Variants in ARHGAP23 observed in about 807,000 individuals in gnomAD.
ARHGAP23 encodes Rho GTPase activating protein 23.
A neutral mutation model predicts 136.3 loss-of-function variants in ARHGAP23; 34 were observed. The observed-to-expected ratio is 0.25, with a 90% CI of 0.19 to 0.33. ARHGAP23 has a LOEUF of 0.33. Among genes scored for constraint, ARHGAP23 ranks in the 10% least tolerant of loss-of-function variants. The pLI, the probability that ARHGAP23 is intolerant of heterozygous loss-of-function variation, is 1.00. For synonymous variants in ARHGAP23, 832 were observed against 920.5 expected (o/e 0.90, Z 1.74); for missense variants, 1,808 against 2,139.0 (o/e 0.85, Z 3.05).
Position 38,469,867 on chromosome 17 carries a change from C to T in ARHGAP23, c.1937C>T (p.Pro646Leu). The change falls in exon 10 of 24, where the codon CCC becomes CTC. Residue 646 changes from proline to leucine, a missense_variant. Pro to Leu is a moderately conservative substitution (Grantham distance 98). Transcript: ENST00000622683. Reference protein sequence around the residue: ...RVLRRLPNRIPSLRMLRSFFT... With the variant: ...RVLRRLPNRILSLRMLRSFFT... Reference sequence around the variant, plus strand: ...TCCAGGCGCCTGCCAAACCGCATACCCAGCCTGCGGATGCTCCGGAGCTTC... The same window carrying T: ...TCCAGGCGCCTGCCAAACCGCATACTCAGCCTGCGGATGCTCCGGAGCTTC... 1.3e-6 allele frequency: 2 copies of T among 1,551,714 alleles called. No individual in the cohort carries two copies.
At chr17:38,465,012 G>T (rs1007608514) in intron 6 of ARHGAP23, among the ~76,000 whole-genome samples, 4 of 152,056 alleles carry the variant, frequency 2.6e-5, no homozygotes, top group Non-Finnish European at 5.9e-5. Context: ...GGGGGTGAGG[G>T]GGAGCCGCAG....
chr17:38,448,706 C>T (rs770317907), intron 1 of ARHGAP23, among the ~76,000 whole-genome samples: 17 of 139,376 alleles, frequency 1.2e-4, no homozygotes, highest in South Asian at 2.3e-4. Flanking sequence ...AGTGCAGTGG[C>T]GCGAACACAG....
rs1390349696 is a variant in ARHGAP23, at chr17:38,469,564, C to T, written c.1845C>T (p.Ala615=). ...KAGRRSSYLL[A]ITTERSKSCD... ...GCCGCCGCTCCTCCTACCTGCTGGC[C>T]ATCACCACGGAGCGCTCCAAGTCCT... Residue 615 remains alanine, a synonymous_variant, in exon 9 of 24, where the codon GCC becomes GCT. Coordinates refer to ENST00000622683, the MANE Select transcript of ARHGAP23 (RefSeq NM_001199417.2). The T allele has an allele frequency of 1.9e-6, 3 of 1,548,578 alleles. No homozygotes were observed. Among genetic ancestry groups the T allele is most frequent in the Admixed American group, 3.9e-5 (2 of 50,974 alleles).
rs1197218972 is a variant in ARHGAP23 at position 38,511,908 on chromosome 17, T to A, written c.*936T>A. 1 of 152,206 alleles carries A rather than the reference T, an allele frequency of 6.6e-6. No individual in the cohort carries two copies. Among genetic ancestry groups the A allele is most frequent in the Non-Finnish European group, 1.5e-5 (1 of 68,106 alleles). 9.4% of individuals were successfully genotyped at this position (152,206 alleles called of 1,614,324 possible). Reference sequence around the variant, plus strand: ...TGCTGTCTCTCTGTCACTCACACACTGATTTATGGGGTCTGAGCTGGGCTG... The same window carrying A: ...TGCTGTCTCTCTGTCACTCACACACAGATTTATGGGGTCTGAGCTGGGCTG... On this transcript the variant is annotated 3_prime_UTR_variant, in exon 24 of 24. Coordinates refer to ENST00000622683, the MANE Select transcript of ARHGAP23 (RefSeq NM_001199417.2).
At chr17:38,446,402 C>T (rs954096406) in intron 1 of ARHGAP23, among the ~76,000 whole-genome samples, 4 of 151,972 alleles carry the variant, frequency 2.6e-5, no homozygotes, top group Non-Finnish European at 4.4e-5. Flanking sequence ...TACAATAATA[C>T]AGACAATTTC....
At chr17:38,486,938 CG>C (rs2040173744) in intron 17 of ARHGAP23, among the ~76,000 whole-genome samples, 1 of 152,168 alleles carries the variant, frequency 6.6e-6, no homozygotes, top group Non-Finnish European at 1.5e-5. Context: ...CACGTGCCTG[CG>C]TGGGGTTTGG....
At position 38,490,444 on chromosome 17, in the gene ARHGAP23, C is replaced by T; in HGVS notation, c.3061-18C>T. 6.5e-7 allele frequency: 1 copy of T among 1,528,268 alleles called. No homozygotes were observed. The highest frequency in any genetic ancestry group is 8.9e-7 in the Non-Finnish European group (1 of 1,127,464). 94.7% of individuals were successfully genotyped at this position (1,528,268 alleles called of 1,614,324 possible). On this transcript the variant is annotated intron_variant, in intron 18 of 23. Coordinates refer to ENST00000622683, the MANE Select transcript of ARHGAP23 (RefSeq NM_001199417.2). ...GCCCTTACAGCCTGTCCCCATGCCC[C>T]TCCTCTCTCCTGCTCAGATCCGGGA...
intron 16 of ARHGAP23, among the ~76,000 whole-genome samples, chr17:38,484,307 C>T (rs541753785): frequency 1.3e-5 from 2 of 152,040 alleles, no homozygotes; most frequent in East Asian, 3.9e-4. Flanking sequence ...TGGCAGAAAC[C>T]AGGGAGTGGG....
chr17:38,467,249 C>T lies in ARHGAP23; in HGVS notation c.1566C>T (p.Ala522=), dbSNP rs150479292. ...GTGACGAGTCCCCAGAGCCAGAGGC[C>T]AGTGGGCGAGGGGAACGCCTGGGCA... ...GFGDESPEPE[A]SGRGERLGRK... Residue 522 remains alanine (A), a synonymous_variant, in exon 7 of 24, where the codon GCC becomes GCT. Coordinates refer to ENST00000622683, the MANE Select transcript of ARHGAP23 (RefSeq NM_001199417.2). 1.3e-4 allele frequency: 197 copies of T among 1,550,378 alleles called. No homozygotes were observed. The African/African-American group carries it at 2.4e-3, about 19-fold the overall frequency.
At chr17:38,478,743 G>A (rs571541065) in intron 12 of ARHGAP23, among the ~76,000 whole-genome samples, 6 of 152,180 alleles carry the variant, frequency 3.9e-5, no homozygotes, top group Non-Finnish European at 8.8e-5. Flanking sequence ...ATTGTGGTCA[G>A]CCATAGCTAC....
chr17:38,433,665 T>G (rs2038731557), intron 1 of ARHGAP23, among the ~76,000 whole-genome samples: 1 of 152,092 alleles, frequency 6.6e-6, no homozygotes, highest in Non-Finnish European at 1.5e-5. Context: ...CTGTGGGGCA[T>G]TGAGGAGAGC....
rs1443489247 is a variant in ARHGAP23 at position 38,466,764 on chromosome 17, T to C, written c.1081T>C (p.Ser361Pro). 1.9e-6 allele frequency: 3 copies of C among 1,548,872 alleles called. No individual in the cohort carries two copies. ...SDDYLSRATR[S>P]AEALGPGALV... ...TGACTACTTGAGCCGGGCCACCCGT[T>C]CTGCCGAGGCACTGGGGCCAGGGGC... The change falls in exon 7 of 24, where the codon TCT becomes CCT. Residue 361 changes from serine (S) to proline (P), a missense_variant. Ser to Pro is a moderately conservative substitution (Grantham distance 74, BLOSUM62 -1). Around this residue, in one of 7 missense-constraint regions of ARHGAP23, gnomAD observed 859 missense variants for 936.4 expected, o/e 0.92. Coordinates refer to ENST00000622683, the MANE Select transcript of ARHGAP23 (RefSeq NM_001199417.2).
chr17:38,449,382 C>T (rs571476315), intron 1 of ARHGAP23, among the ~76,000 whole-genome samples: 1 of 152,202 alleles, frequency 6.6e-6, no homozygotes, highest in East Asian at 1.9e-4. Context: ...CCCAGGTTCC[C>T]GGTGATGGGG....
At chr17:38,499,458 A>T (rs2144788131) in intron 22 of ARHGAP23, among the ~76,000 whole-genome samples, 1 of 152,270 alleles carries the variant, frequency 6.6e-6, no homozygotes, top group South Asian at 2.1e-4. Context: ...ACATGCTCAG[A>T]GACAGATGAG....
Position 38,512,340 on chromosome 17 carries a change from T to C in ARHGAP23, c.*1368T>C, listed in dbSNP as rs1213741577. On this transcript the variant is annotated 3_prime_UTR_variant, in exon 24 of 24. Coordinates refer to ENST00000622683, the MANE Select transcript of ARHGAP23 (RefSeq NM_001199417.2). ...AATTTCCTGCTTCTGAAAAGTCCTG[T>C]CTTAAAAGTACAGTCTATATCTTGG... 1 of 152,244 alleles carries C rather than the reference T, an allele frequency of 6.6e-6. No homozygotes were observed. Among genetic ancestry groups the C allele is most frequent in the African/African-American group, 2.4e-5 (1 of 41,458 alleles). 9.4% of individuals were successfully genotyped at this position (152,244 alleles called of 1,614,324 possible).
At chr17:38,449,893 C>T (rs1446202587) in intron 1 of ARHGAP23, among the ~76,000 whole-genome samples, 1 of 152,178 alleles carries the variant, frequency 6.6e-6, no homozygotes, top group Non-Finnish European at 1.5e-5. Flanking sequence ...CTCTCACTTC[C>T]TTAACCACAC....
intron 1 of ARHGAP23, among the ~76,000 whole-genome samples, chr17:38,445,348 G>T (rs1283382314): frequency 6.8e-6 from 1 of 147,564 alleles, no homozygotes; most frequent in African/African-American, 2.5e-5. Context: ...ATGGTGGCTC[G>T]CATCTGTAGT....
intron 7 of ARHGAP23, among the ~76,000 whole-genome samples, chr17:38,468,864 G>T (rs1190020124): frequency 1.3e-5 from 2 of 152,140 alleles, no homozygotes; most frequent in East Asian, 1.9e-4. Flanking sequence ...CACCGTCCCT[G>T]CCCTCAGCAG....
chr17:38,456,094 G>C (rs892047324), intron 1 of ARHGAP23, among the ~76,000 whole-genome samples: 1 of 152,120 alleles, frequency 6.6e-6, no homozygotes, highest in African/African-American at 2.4e-5. Context: ...TGTCTCCCTT[G>C]CCTGGAGCTC....
Sources: allele counts gnomAD v4.1 joint callset (sites outside exome capture counted in the v4.1 genomes callset), GRCh38; gene constraint gnomAD v4.1.1; regional missense constraint gnomAD v4.1.1; transcripts MANE v1.5; gene names NCBI Gene and HGNC (gene_info 2026-07-23, HGNC 2026-07-21).